Variants in FBXO36 observed in about 807,000 individuals in gnomAD.
FBXO36 encodes the protein F-box only protein 36.
A neutral mutation model predicts 17.0 loss-of-function variants in FBXO36; 18 were observed. The observed-to-expected ratio is 1.06, with a 90% CI of 0.73 to 1.57. The LOEUF (loss-of-function observed/expected upper bound fraction) is 1.57. Ranked by LOEUF, FBXO36 falls within the 40% of genes most tolerant of loss-of-function variation. The pLI is 0.00. For missense variants in FBXO36, 229 were observed against 221.9 expected (o/e 1.03, Z -0.20); for synonymous variants, 83 against 85.3 (o/e 0.97, Z 0.15).
At chr2:229,940,416 G>A (rs763440796) in intron 1 of FBXO36, among the ~76,000 whole-genome samples, 37 of 152,102 alleles carry the variant, frequency 2.4e-4, no homozygotes, top group Non-Finnish European at 5.3e-4. Flanking sequence ...TGATTCTGCC[G>A]TAATGCTTAG....
At position 229,937,233 on chromosome 2, in the gene FBXO36, G is replaced by A. The variant is rs548166607; in HGVS notation, c.96+14624G>A. The stretch of plus-strand genomic sequence containing the variant: ...AATTGGGCTGGGCGCGGTGGCTCAC[G>A]CTTGTAATCCCAGCACTTTAGGAGG... On this transcript the variant is annotated intron_variant, in intron 1 of 3. Coordinates refer to ENST00000283946, the MANE Select transcript of FBXO36 (RefSeq NM_174899.5). Among the ~76,000 whole-genome samples, 172 of 152,212 alleles carry A rather than the reference G, an allele frequency of 1.1e-3. 2 individuals are homozygous for A. The highest frequency in any genetic ancestry group is 3.4e-3 in the Middle Eastern group (1 of 294).
chr2:229,937,782 TA>T (rs2076972032), intron 1 of FBXO36: 1 of 152,192 alleles, frequency 6.6e-6, no homozygotes, highest in Non-Finnish European at 1.5e-5. Flanking sequence ...TCTTTTTTTT[TA>T]AGCAGACTCA....
intron 3 of FBXO36, 107 bp from the exon 4 acceptor site, chr2:230,010,589 G>A (rs986902573): frequency 1.3e-5 from 13 of 1,009,712 alleles, no homozygotes; most frequent in Admixed American, 5.9e-5. Context: ...GGCAGGACCT[G>A]TGTCTGGCAC....
At chr2:229,932,752 T>C (rs948812683) in intron 1 of FBXO36, 6 of 160,594 alleles carry the variant, frequency 3.7e-5, no homozygotes, top group African/African-American at 1.4e-4. Context: ...TTTTTTTCTT[T>C]TCTTTTCTTT....
At chr2:229,948,233 G>A (rs1414324379) in intron 1 of FBXO36, among the ~76,000 whole-genome samples, 1 of 152,146 alleles carries the variant, frequency 6.6e-6, no homozygotes, top group African/African-American at 2.4e-5. Flanking sequence ...TTACTTTTGG[G>A]GAGAAATGTA....
chr2:229,970,136 A>G (rs1242778559), intron 1 of FBXO36, among the ~76,000 whole-genome samples: 1 of 152,184 alleles, frequency 6.6e-6, no homozygotes, highest in Non-Finnish European at 1.5e-5. Flanking sequence ...TTCAGCTACC[A>G]TATGGCCCAG....
intron 1 of FBXO36, chr2:229,923,213 C>G (rs938618017): frequency 1.3e-5 from 2 of 151,658 alleles, no homozygotes; most frequent in African/African-American, 2.4e-5. Context: ...TTCAGCTGCT[C>G]TGCGCTTCAG....
At chr2:229,937,221 G>A (rs776392439) in intron 1 of FBXO36, among the ~76,000 whole-genome samples, 2 of 152,042 alleles carry the variant, frequency 1.3e-5, no homozygotes, top group Non-Finnish European at 2.9e-5. Context: ...TGGGCTGGGC[G>A]CGGTGGCTCA....
At position 230,011,573 on chromosome 2, in the gene FBXO36, A is replaced by C. The variant is rs1270795391; in HGVS notation, c.*689A>C. 2 of 150,882 alleles carry C rather than the reference A, an allele frequency of 1.3e-5. No homozygotes were observed. The highest frequency in any genetic ancestry group is 2.4e-5 in the African/African-American group (1 of 41,088). The allele number at this position is 150,882 out of a possible 1,614,324, so 9.3% of individuals were successfully genotyped here. On this transcript the variant is annotated 3_prime_UTR_variant, in exon 4 of 4. Coordinates refer to ENST00000283946, the MANE Select transcript of FBXO36 (RefSeq NM_174899.5). ...CAGGACTACTTCACATTGTTAAATA[A>C]ACCTATAAACATTTCTTTTCTTTTC... is the stretch of plus-strand genomic sequence containing the variant.
intron 2 of FBXO36, among the ~76,000 whole-genome samples, chr2:229,984,782 A>G (rs371262076): frequency 6.6e-6 from 1 of 152,154 alleles, no homozygotes; most frequent in Non-Finnish European, 1.5e-5. Flanking sequence ...GCAAGGATGT[A>G]TGGTATTCTG....
chr2:229,992,846 G>C (rs1218116709), intron 2 of FBXO36, among the ~76,000 whole-genome samples: 1 of 152,162 alleles, frequency 6.6e-6, no homozygotes, highest in East Asian at 1.9e-4. Context: ...ATTGGGGCTG[G>C]AGGATCCCAT....
chr2:229,947,012 C>A (rs1577334434), intron 1 of FBXO36, among the ~76,000 whole-genome samples: 1 of 151,986 alleles, frequency 6.6e-6, no homozygotes, highest in South Asian at 2.1e-4. Context: ...ACTAAAAATA[C>A]AAAAAATTAG....
chr2:229,928,547 C>G (rs773051655), intron 1 of FBXO36, among the ~76,000 whole-genome samples: 1 of 152,116 alleles, frequency 6.6e-6, no homozygotes, highest in Non-Finnish European at 1.5e-5. Flanking sequence ...TGCCTGTATT[C>G]CCCCTATTGG....
intron 3 of FBXO36, among the ~76,000 whole-genome samples, chr2:230,006,107 T>C (rs1453893097): frequency 2.6e-4 from 22 of 83,560 alleles, no homozygotes; most frequent in African/African-American, 9.8e-4. Flanking sequence ...TTATTTTAGT[T>C]TTTTTTTTTT....
intron 1 of FBXO36, among the ~76,000 whole-genome samples, chr2:229,956,364 G>A (rs898837294): frequency 2.0e-5 from 3 of 152,120 alleles, no homozygotes; most frequent in Non-Finnish European, 4.4e-5. Context: ...CCCTCTGAAG[G>A]TTCCGTAATT....
At chr2:229,926,299 T>C (rs573514426) in intron 1 of FBXO36, among the ~76,000 whole-genome samples, 9 of 149,920 alleles carry the variant, frequency 6.0e-5, no homozygotes, top group Admixed American at 2.0e-4. Context: ...GGCATGGTGA[T>C]GCACGCCTGT....
chr2:229,938,431 G>A (rs2076977905), intron 1 of FBXO36, among the ~76,000 whole-genome samples: 2 of 144,834 alleles, frequency 1.4e-5, no homozygotes, highest in Non-Finnish European at 3.0e-5. Flanking sequence ...AGATGGCGTT[G>A]TAGAGATGGC....
At chr2:229,963,300 G>A (rs186193138) in intron 1 of FBXO36, among the ~76,000 whole-genome samples, 109 of 151,270 alleles carry the variant, frequency 7.2e-4, no homozygotes, top group Middle Eastern at 3.5e-3. Flanking sequence ...TCCTGACCTC[G>A]TGATCCGCCC....
chr2:229,999,423 G>A (rs891003679), intron 3 of FBXO36, among the ~76,000 whole-genome samples: 13 of 141,716 alleles, frequency 9.2e-5, no homozygotes, highest in South Asian at 6.7e-4. Flanking sequence ...CACCGCGCCC[G>A]GCCTTAAGTA....
Sources: gnomAD v4.1 joint callset for allele counts (sites outside exome capture counted in the v4.1 genomes callset) on GRCh38, gnomAD v4.1.1 for gene constraint, MANE v1.5 for transcripts, NCBI Gene and HGNC (gene_info 2026-07-23, HGNC 2026-07-21) for gene names.